Variants in WDR91 observed in about 807,000 individuals in gnomAD.
WDR91 encodes the protein WD repeat-containing protein 91.
Under a neutral mutation model 88.4 loss-of-function variants are expected in WDR91, and 52 were observed. The ratio of observed to expected loss-of-function variants is 0.59; its 90% confidence interval spans 0.47 to 0.74. WDR91 has a LOEUF of 0.74. WDR91 is among the 30% of genes least tolerant of loss of function. WDR91 has a pLI of 0.00. For synonymous variants in WDR91, 362 were observed against 389.5 expected, an observed-to-expected ratio of 0.93 and a Z score of 0.83; for missense variants, 824 against 954.5, an observed-to-expected ratio of 0.86 and a Z score of 1.80.
Position 135,198,027 on chromosome 7 carries a change from T to A in WDR91, c.1016A>T (p.Glu339Val), listed in dbSNP as rs1831436016. 2.5e-6 allele frequency: 4 copies of A among 1,614,004 alleles called. No homozygotes were observed. The African/African-American group carries it at 5.3e-5, about 22-fold the overall frequency. The change falls in exon 7 of 15, where the codon GAG becomes GTG. Residue 339 changes from glutamate (E) to valine (V), a missense_variant. Glu to Val is a moderately radical substitution (Grantham distance 121). Transcript: ENST00000354475. Reference protein sequence around the residue: ...RQRRLQDHGKERKELFSTTTS... With the variant: ...RQRRLQDHGKVRKELFSTTTS... The stretch of plus-strand genomic sequence containing the variant: ...GGTTGTGGAGAAAAGCTCCTTCCTC[T>A]CCTTGCCATGGTCCTGCAGGCGCCG...
intron 3 of WDR91, among the ~76,000 whole-genome samples, chr7:135,207,738 T>C (rs57777414): frequency 0.036 from 5,553 of 152,330 alleles, 307 homozygotes; most frequent in African/African-American, 0.13. Flanking sequence ...CGACAGTCTA[T>C]AGCTTGGGAT....
chr7:135,193,088 G>T, intron 11 of WDR91, 143 bp downstream of exon 11: 1 of 1,209,992 alleles, frequency 8.3e-7, no homozygotes, highest in Non-Finnish European at 1.1e-6. Context: ...CTGCCCAGTT[G>T]GAGTACACTA....
chr7:135,188,627 C>T, intron 12 of WDR91, 82 bp from the exon 13 acceptor site: 1 of 1,231,922 alleles, frequency 8.1e-7, no homozygotes. Flanking sequence ...GCCCCCTCAC[C>T]CTCTACTCAG....
rs1320869990 is a variant in WDR91 at position 135,186,306 on chromosome 7, C to T, written c.2089G>A (p.Asp697Asn). 6 of 1,611,604 alleles carry T rather than the reference C, an allele frequency of 3.7e-6. No individual in the cohort carries two copies. In the Admixed American group the frequency reaches 5.0e-5, roughly 14 times the overall value. ...TGGVIYKLGG[D>N]EKVLESCLSL... ...AAGCAGCTCTCCAGAACCTTCTCAT[C>T]GCCACCCAGCTGCAAGAGGACAGGA... The change falls in exon 15 of 15, where the codon GAT (aspartate) becomes AAT (asparagine). Residue 697 changes from aspartate to asparagine, a missense_variant. Asp to Asn is a conservative substitution (Grantham distance 23). Coordinates refer to ENST00000354475, the MANE Select transcript of WDR91 (RefSeq NM_014149.4).
chr7:135,192,692 T>A (rs946923835), intron 11 of WDR91, among the ~76,000 whole-genome samples: 2 of 152,190 alleles, frequency 1.3e-5, no homozygotes, highest in Non-Finnish European at 2.9e-5. Context: ...CCATATGACT[T>A]GTAAGCAGTG....
intron 6 of WDR91, chr7:135,198,759 T>C (rs1448736689): frequency 6.6e-6 from 1 of 152,184 alleles, no homozygotes. Flanking sequence ...AATAAACCGG[T>C]ATTTTCTGGC....
intron 11 of WDR91, among the ~76,000 whole-genome samples, chr7:135,190,662 C>T (rs1042302866): frequency 7.1e-5 from 10 of 139,970 alleles, no homozygotes; most frequent in African/African-American, 2.0e-4. Flanking sequence ...ACTATAAACA[C>T]GACAAAGCAG....
At chr7:135,211,338 C>G in intron 1 of WDR91, 42 bp downstream of exon 1, 1 of 1,583,326 alleles carries the variant, frequency 6.3e-7, no homozygotes, top group South Asian at 1.1e-5. Context: ...CCCCGGCTCC[C>G]TCGGGCCGCC....
chr7:135,202,306 T>C (rs1831602917), intron 6 of WDR91: 2 of 152,208 alleles, frequency 1.3e-5, no homozygotes, highest in Admixed American at 1.3e-4. Flanking sequence ...CTAGTTATTT[T>C]TAGACGTGAA....
At chr7:135,195,605 C>T (rs1470583191) in intron 8 of WDR91, among the ~76,000 whole-genome samples, 1 of 152,152 alleles carries the variant, frequency 6.6e-6, no homozygotes, top group Non-Finnish European at 1.5e-5. Flanking sequence ...GTTTGGGGGG[C>T]TAAAATAAAG....
chr7:135,204,426 C>T lies in WDR91; in HGVS notation c.733G>A (p.Val245Met). The T allele has an allele frequency of 2.5e-6, 4 of 1,614,108 alleles. No homozygotes were observed. The South Asian group carries it at 3.3e-5, about 13-fold the overall frequency. Residue 245 changes from valine to methionine, a missense_variant, in exon 6 of 15, where the codon GTG becomes ATG. Val to Met is a conservative substitution (Grantham distance 21). Transcript: ENST00000354475. The part of the protein sequence containing the change: ...DRLGDSELAM[V>M]CSQRNASLSQ... ...AGGGAGGCATTCCTTTGGCTGCACA[C>T]CATGGCACTGGTCAGCAAACACACC... is the stretch of plus-strand genomic sequence containing the variant.
At position 135,198,234 on chromosome 7, in the gene WDR91, C is replaced by T. The variant is rs111757975; in HGVS notation, c.892-83G>A. The stretch of plus-strand genomic sequence containing the variant: ...CATGCCAGGAGTGGTCAGCCCTGGG[C>T]GGGGGGGCGTGGTGGGTTGGGGGCA... On this transcript the variant is annotated intron_variant, in intron 6 of 14. Transcript: ENST00000354475. 171 of 1,164,608 alleles carry T rather than the reference C, an allele frequency of 1.5e-4. 1 individual carries two copies. In the African/African-American group the frequency reaches 1.7e-3, roughly 12 times the overall value. 72.1% of individuals were successfully genotyped at this position (1,164,608 alleles called of 1,614,324 possible). A position where few individuals can be genotyped will look rare whatever the true frequency, so the allele number is the denominator to read the frequency against.
Position 135,196,216 on chromosome 7 carries a change from C to T in WDR91, c.1172G>A (p.Arg391His), listed in dbSNP as rs138959450. The T allele has an allele frequency of 1.4e-4, 225 of 1,611,558 alleles. 3 individuals are homozygous for T. The highest frequency in any genetic ancestry group is 1.2e-3 in the South Asian group (111 of 90,762). The part of the protein sequence containing the change: ...SSAGPEGGGV[R>H]PEQPFIVLGQ... The stretch of plus-strand genomic sequence containing the variant: ...CAGCACAATAAAGGGCTGCTCGGGG[C>T]GGACTCCTCCACCCTCAGGGCCTGC... Residue 391 changes from arginine to histidine, a missense_variant, in exon 8 of 15, where the codon CGC becomes CAC. By Grantham distance (29) the Arg-to-His change is conservative. Transcript: ENST00000354475. This position sits in a 1 kb window ranked among gnomAD's most constrained non-coding sequence, Gnocchi z 4.2.
rs368826797 is a variant in WDR91, at chr7:135,190,248, G to A, written c.1660-796C>T. Among the ~76,000 whole-genome samples, 6 of 152,240 alleles carry A rather than the reference G, an allele frequency of 3.9e-5. No homozygotes were observed. In the East Asian group the frequency reaches 7.7e-4, roughly 20 times the overall value. Reference sequence around the variant, plus strand: ...GTCAGGCGATAAGAAACCGTCACATGGAGCTGAGACTCCAAAGAGCTATAC... The same window carrying A: ...GTCAGGCGATAAGAAACCGTCACATAGAGCTGAGACTCCAAAGAGCTATAC... On this transcript the variant is annotated intron_variant, in intron 11 of 14. Coordinates refer to ENST00000354475, the MANE Select transcript of WDR91 (RefSeq NM_014149.4).
chr7:135,211,279 G>A (rs527371883), intron 1 of WDR91, 101 bp downstream of exon 1: 14 of 1,458,344 alleles, frequency 9.6e-6, no homozygotes, highest in East Asian at 2.6e-5. Context: ...CCCGGCGCGA[G>A]TGACAGCGCC....
intron 1 of WDR91, among the ~76,000 whole-genome samples, chr7:135,210,362 A>C (rs1831970011): frequency 1.3e-5 from 2 of 152,208 alleles, no homozygotes; most frequent in Admixed American, 1.3e-4. Flanking sequence ...AAAAGAAAAA[A>C]AAATGGCAGT....
chr7:135,209,372 G>T, intron 2 of WDR91: 1 of 479,482 alleles, frequency 2.1e-6, no homozygotes, highest in Non-Finnish European at 3.5e-6. Flanking sequence ...AAGGAAATAG[G>T]AATGGGGAAG....
intron 6 of WDR91, 160 bp from the exon 7 acceptor site, chr7:135,198,311 C>A: frequency 1.4e-6 from 1 of 720,780 alleles, no homozygotes; most frequent in Non-Finnish European, 2.2e-6. Flanking sequence ...ATAGTCAGCC[C>A]CTGCTATGAC....
intron 10 of WDR91, 41 bp from the exon 11 acceptor site, chr7:135,193,440 C>T: frequency 6.2e-7 from 1 of 1,611,138 alleles, no homozygotes; most frequent in Non-Finnish European, 8.5e-7. Flanking sequence ...TCTGCCTGCC[C>T]ACAGAGGGAG....
Sources: allele counts gnomAD v4.1 joint callset (sites outside exome capture counted in the v4.1 genomes callset), GRCh38; gene constraint gnomAD v4.1.1; non-coding constraint Gnocchi (gnomAD v3.1); transcripts MANE v1.5; gene names NCBI Gene and HGNC (gene_info 2026-07-23, HGNC 2026-07-21).